The following ADGRL3 variants were observed in gnomAD, a reference collection of about 807,000 sequenced individuals.
ADGRL3 encodes calcium-independent alpha-latrotoxin receptor 3.
In ADGRL3, 62 loss-of-function variants were observed where a neutral mutation model predicts 153.5. The ratio of observed to expected loss-of-function variants is 0.40; its 90% CI spans 0.33 to 0.50. ADGRL3 has a LOEUF of 0.50. Among genes scored for constraint, ADGRL3 ranks in the 20% least tolerant of loss-of-function variants. ADGRL3 has a pLI of 0.47. For synonymous variants in ADGRL3, 710 were observed against 672.5 expected (o/e 1.06, Z -0.86); for missense variants, 1,641 against 1,859.4 (o/e 0.88, Z 2.16).
At chr4:61,725,442 A>C (rs2096312653) in intron 6 of ADGRL3, among the ~76,000 whole-genome samples, 1 of 151,998 alleles carries the variant, frequency 6.6e-6, no homozygotes, top group Non-Finnish European at 1.5e-5. Flanking sequence ...AATACAAAAC[A>C]AAATTAGCCA....
chr4:61,907,802 C>T (rs557782329), intron 11 of ADGRL3, among the ~76,000 whole-genome samples: 14 of 152,170 alleles, frequency 9.2e-5, no homozygotes, highest in African/African-American at 3.4e-4. Context: ...CTCTAGATAT[C>T]GGGATATCTC....
chr4:61,495,545 A>C (rs1358747990), intron 2 of ADGRL3, among the ~76,000 whole-genome samples: 1 of 151,940 alleles, frequency 6.6e-6, no homozygotes, highest in Non-Finnish European at 1.5e-5. Flanking sequence ...GAAGAAAGGA[A>C]GGAAGGAAGG....
chr4:61,252,068 G>A (rs1182720883), intron 1 of ADGRL3, among the ~76,000 whole-genome samples: 1 of 151,784 alleles, frequency 6.6e-6, no homozygotes, highest in Non-Finnish European at 1.5e-5. Context: ...ATTTTTAGTA[G>A]AGAAAGGTTT....
chr4:61,235,684 T>G (rs577744361), intron 1 of ADGRL3, among the ~76,000 whole-genome samples: 1 of 152,166 alleles, frequency 6.6e-6, no homozygotes. Context: ...ATCCTGCTAC[T>G]ATTGGCTAAG....
rs1404623963 is a variant in ADGRL3, at chr4:61,676,859, A to T, written c.507A>T (p.Ala169=). ...CNNRTQCAVV[A]GPDVFPDPCP... ...ACAGAACCCAGTGTGCAGTGGTGGC[A>T]GGTCCTGATGTTTTTCCAGACCCGT... The change falls in exon 6 of 27, where the codon GCA becomes GCT. Residue 169 remains alanine, a synonymous_variant. Transcript: ENST00000683033. 6.2e-7 allele frequency: 1 copy of T among 1,612,116 alleles called. No homozygotes were observed. Among genetic ancestry groups the T allele is most frequent in the South Asian group, 1.1e-5 (1 of 91,040 alleles).
At chr4:61,748,913 G>C (rs2096712360) in intron 8 of ADGRL3, among the ~76,000 whole-genome samples, 1 of 151,224 alleles carries the variant, frequency 6.6e-6, no homozygotes, top group Non-Finnish European at 1.5e-5. Context: ...TACCATCAGA[G>C]TGAACAGGCA....
intron 6 of ADGRL3, among the ~76,000 whole-genome samples, chr4:61,688,359 G>A (rs2095483167): frequency 6.6e-6 from 1 of 152,048 alleles, no homozygotes; most frequent in South Asian, 2.1e-4. Flanking sequence ...GAAGTTACGA[G>A]TAAGAGCTTT....
At chr4:61,683,249 A>G (rs1280474460) in intron 6 of ADGRL3, among the ~76,000 whole-genome samples, 5 of 151,886 alleles carry the variant, frequency 3.3e-5, no homozygotes, top group African/African-American at 1.2e-4. Context: ...AGTAGCTAGG[A>G]CTGTAGGCAC....
intron 5 of ADGRL3, among the ~76,000 whole-genome samples, chr4:61,645,990 T>A (rs923612251): frequency 2.0e-5 from 3 of 152,192 alleles, no homozygotes; most frequent in Non-Finnish European, 2.9e-5. Context: ...CGTTTCTTTT[T>A]ATTCTTTTTT....
At chr4:61,449,489 G>T (rs936816851) in intron 2 of ADGRL3, among the ~76,000 whole-genome samples, 4 of 151,838 alleles carry the variant, frequency 2.6e-5, no homozygotes, top group Admixed American at 2.6e-4. Context: ...AAAGATAAAT[G>T]CAAGACTGTA....
At chr4:61,838,244 A>G (rs961573097) in intron 9 of ADGRL3, among the ~76,000 whole-genome samples, 2 of 152,294 alleles carry the variant, frequency 1.3e-5, no homozygotes, top group South Asian at 2.1e-4. Flanking sequence ...TTCATTGCAT[A>G]TAAAGATAAA....
chr4:61,448,719 G>A (rs74692634), intron 2 of ADGRL3, among the ~76,000 whole-genome samples: 1 of 20,190 alleles, frequency 5.0e-5, no homozygotes, highest in Non-Finnish European at 2.2e-4. Flanking sequence ...AAAGAAGGAA[G>A]GAAGGAGAGA....
intron 1 of ADGRL3, among the ~76,000 whole-genome samples, chr4:61,303,389 C>T (rs2150377199): frequency 6.6e-6 from 1 of 151,888 alleles, no homozygotes; most frequent in Admixed American, 6.6e-5. Flanking sequence ...GAATGGTGCC[C>T]TGCACATGGA....
chr4:61,679,316 C>A (rs1202399993), intron 6 of ADGRL3, among the ~76,000 whole-genome samples: 2 of 151,916 alleles, frequency 1.3e-5, no homozygotes, highest in Non-Finnish European at 1.5e-5. Context: ...CCTGCGTGGC[C>A]CATCTCCAAC....
chr4:61,923,063 G>T (rs2098777609), intron 13 of ADGRL3, among the ~76,000 whole-genome samples: 1 of 152,128 alleles, frequency 6.6e-6, no homozygotes, highest in Non-Finnish European at 1.5e-5. Flanking sequence ...GTCACCCAAG[G>T]CCAAGATGGT....
At chr4:61,659,056 T>TCTTTGA (rs1159351999) in intron 5 of ADGRL3, among the ~76,000 whole-genome samples, 2 of 152,152 alleles carry the variant, frequency 1.3e-5, no homozygotes, top group African/African-American at 4.8e-5. Flanking sequence ...TCCTTAGCAT[T>TCTTTGA]CTTTGACTTG....
chr4:61,746,241 C>A (rs866656507), intron 8 of ADGRL3, among the ~76,000 whole-genome samples: 99 of 152,214 alleles, frequency 6.5e-4, no homozygotes, highest in African/African-American at 2.3e-3. Flanking sequence ...GACTTATACT[C>A]CCACATATTA....
At chr4:62,017,954 G>A (rs1364530100) in intron 21 of ADGRL3, among the ~76,000 whole-genome samples, 2 of 151,998 alleles carry the variant, frequency 1.3e-5, no homozygotes, top group South Asian at 4.1e-4. Context: ...CGTGATCTTG[G>A]CTCACTGCAA....
chr4:61,415,453 T>A (rs899651407), intron 2 of ADGRL3, among the ~76,000 whole-genome samples: 13 of 152,062 alleles, frequency 8.5e-5, no homozygotes, highest in African/African-American at 3.1e-4. Context: ...TAATATTGAA[T>A]TGTCATGGAA....
Sources: gnomAD v4.1 joint callset for allele counts (sites outside exome capture counted in the v4.1 genomes callset) on GRCh38, gnomAD v4.1.1 for gene constraint, MANE v1.5 for transcripts, NCBI Gene and HGNC (gene_info 2026-07-23, HGNC 2026-07-21) for gene names.